Variants in INTS15 observed in about 807,000 individuals in gnomAD.
The protein encoded by INTS15 is integrator complex subunit 15.
chr7:6,602,244 A>G, the INTS15 span: 3 of 875,088 alleles, frequency 3.4e-6, no homozygotes, highest in Non-Finnish European at 3.6e-6. Context: ...GGGAGAGCCC[A>G]GTAAGCACAT....
At chr7:6,607,618 G>T in the INTS15 span, 6 of 1,430,004 alleles carry the variant, frequency 4.2e-6, no homozygotes, top group Non-Finnish European at 5.6e-6. The surrounding 1 kb of genome is among the most constrained non-coding windows in gnomAD (Gnocchi z 6.0). Context: ...GTCATTCTCG[G>T]CTCTGAGGAG....
chr7:6,606,766 A>G, the INTS15 span, among the ~76,000 whole-genome samples: 1 of 149,336 alleles, frequency 6.7e-6, no homozygotes, highest in Non-Finnish European at 1.5e-5. Flanking sequence ...TGGCACAATC[A>G]TGGCTCATGG....
chr7:6,603,790 G>C, the INTS15 span, among the ~76,000 whole-genome samples: 2 of 152,080 alleles, frequency 1.3e-5, no homozygotes, highest in African/African-American at 4.8e-5. Flanking sequence ...AGTGAGCCAA[G>C]ACCGCACCAT....
the INTS15 span, among the ~76,000 whole-genome samples, chr7:6,606,136 C>T: frequency 2.0e-5 from 3 of 152,224 alleles, no homozygotes; most frequent in African/African-American, 7.2e-5. Flanking sequence ...CTCTGCAGTA[C>T]TCTGCAGTAC....
At chr7:6,599,921 C>T in the INTS15 span, 1 of 1,614,218 alleles carries the variant, frequency 6.2e-7, no homozygotes, top group South Asian at 1.1e-5. Context: ...TTTAAATACT[C>T]CGATTGCGGC....
the INTS15 span, chr7:6,594,666 G>A: frequency 6.8e-7 from 1 of 1,469,642 alleles, no homozygotes; most frequent in Non-Finnish European, 9.4e-7. Flanking sequence ...ATTTTCCACT[G>A]AATACCCAGG....
chr7:6,594,737 T>A, the INTS15 span: 1 of 869,874 alleles, frequency 1.1e-6, no homozygotes, highest in Non-Finnish European at 1.7e-6. Flanking sequence ...TTATTTTTAT[T>A]ATTTTTTGAG....
chr7:6,605,120 G>A, the INTS15 span, among the ~76,000 whole-genome samples: 1,776 of 152,206 alleles, frequency 0.012, 18 homozygotes, highest in Non-Finnish European at 0.02. Flanking sequence ...AACCTCCTGA[G>A]TAGCTGGGAC....
the INTS15 span, among the ~76,000 whole-genome samples, chr7:6,592,597 G>T: frequency 3.7e-4 from 56 of 151,526 alleles, no homozygotes; most frequent in Middle Eastern, 3.4e-3. Flanking sequence ...AAATTAGGGT[G>T]TGTTTTTTTT....
the INTS15 span, among the ~76,000 whole-genome samples, chr7:6,601,123 C>T: frequency 2.0e-5 from 3 of 152,042 alleles, no homozygotes; most frequent in Non-Finnish European, 2.9e-5. Context: ...TGTACCACCA[C>T]ACCCAGCTAA....
At chr7:6,594,573 G>A in the INTS15 span, 53 of 1,614,062 alleles carry the variant, frequency 3.3e-5, no homozygotes, top group East Asian at 3.8e-4. Context: ...CATCACCTCC[G>A]TTACCGCGCT....
chr7:6,607,616 C>T, the INTS15 span: 5 of 1,422,972 alleles, frequency 3.5e-6, no homozygotes, highest in Admixed American at 4.3e-5. The surrounding 1 kb of genome is among the most constrained non-coding windows in gnomAD (Gnocchi z 6.0). Context: ...CGGTCATTCT[C>T]GGCTCTGAGG....
the INTS15 span, among the ~76,000 whole-genome samples, chr7:6,596,427 G>A: frequency 4.8e-4 from 61 of 128,236 alleles, no homozygotes; most frequent in Middle Eastern, 0.014. Context: ...TGTCCAGGCT[G>A]GAGTGCAGTG....
chr7:6,607,822 C>G, the INTS15 span: 1 of 1,499,534 alleles, frequency 6.7e-7, no homozygotes, highest in Admixed American at 2.1e-5. The surrounding 1 kb of genome is among the most constrained non-coding windows in gnomAD (Gnocchi z 6.0). Flanking sequence ...CCGTGTCCAC[C>G]GCCTGGACCC....
chr7:6,594,629 A>C, the INTS15 span: 1 of 1,606,200 alleles, frequency 6.2e-7, no homozygotes, highest in South Asian at 1.1e-5. Flanking sequence ...ATTTCTATGG[A>C]AGAAGCTTCA....
chr7:6,593,526 G>T, the INTS15 span, among the ~76,000 whole-genome samples: 18,841 of 151,764 alleles, frequency 0.12, 1,528 homozygotes, highest in Middle Eastern at 0.21. Flanking sequence ...AGTAGAGACG[G>T]GGTTTCACTG....
the INTS15 span, chr7:6,608,029 C>T: frequency 5.6e-6 from 9 of 1,599,948 alleles, no homozygotes; most frequent in East Asian, 1.1e-4. Context: ...CGGGGTTCTA[C>T]CCCCACATCC....
At chr7:6,593,271 T>A in the INTS15 span, among the ~76,000 whole-genome samples, 1 of 151,818 alleles carries the variant, frequency 6.6e-6, no homozygotes, top group Admixed American at 6.6e-5. Flanking sequence ...CGCGATCACG[T>A]CTCAGTGAAA....
the INTS15 span, among the ~76,000 whole-genome samples, chr7:6,603,690 T>G: frequency 6.6e-6 from 1 of 151,346 alleles, no homozygotes; most frequent in African/African-American, 2.4e-5. Context: ...AATACAAAAG[T>G]TAGCCAGGCA....
Sources: gnomAD v4.1 joint callset for allele counts (sites outside exome capture counted in the v4.1 genomes callset) on GRCh38, gnomAD v4.1.1 for gene constraint, Gnocchi (gnomAD v3.1) non-coding constraint, MANE v1.5 for transcripts, NCBI Gene and HGNC (gene_info 2026-07-23, HGNC 2026-07-21) for gene names.